The following SHISA6 variants were observed in gnomAD, a reference collection of about 807,000 sequenced individuals.
SHISA6 encodes the protein shisa family member 6, also known as protein shisa-6.
SHISA6 carries 22 observed loss-of-function variants against 47.9 expected under a neutral mutation model. The ratio of observed to expected loss-of-function variants is 0.46; its 90% CI spans 0.33 to 0.66. The LOEUF is 0.66. Among genes scored for constraint, SHISA6 ranks in the 30% least tolerant of loss-of-function variants. The pLI, the probability that SHISA6 is intolerant of heterozygous loss-of-function variation, is 0.02. For synonymous variants in SHISA6, 388 were observed against 337.8 expected, an observed-to-expected ratio of 1.15 and a Z score of -1.63; for missense variants, 680 against 764.6, an observed-to-expected ratio of 0.89 and a Z score of 1.30.
rs187404944 is a variant in SHISA6, at chr17:11,452,980, C to A, written c.895+73471C>A. ...TCATCCTCTTCTCCTCCTCTTCTTC[C>A]TCCATATTCTCCCCTTTTCCCCACC... is the stretch of plus-strand genomic sequence containing the variant. On this transcript the variant is annotated intron_variant, in intron 3 of 5. Transcript: ENST00000441885. Among the ~76,000 whole-genome samples the A allele has an allele frequency of 4.6e-4, 69 of 150,570 alleles. No individual in the cohort carries two copies. The East Asian group carries it at 0.01, about 22-fold the overall frequency.
chr17:11,421,149 G>A (rs1232679038), intron 3 of SHISA6, among the ~76,000 whole-genome samples: 2 of 152,064 alleles, frequency 1.3e-5, no homozygotes, highest in African/African-American at 4.8e-5. Flanking sequence ...CTATGGCAGC[G>A]TTCCTCTACC....
At chr17:11,352,069 G>A (rs1192581359) in intron 2 of SHISA6, among the ~76,000 whole-genome samples, 2 of 152,196 alleles carry the variant, frequency 1.3e-5, no homozygotes, top group African/African-American at 4.8e-5. Context: ...ATCAGAGCTT[G>A]AGAAGTGGAT....
chr17:11,391,739 G>A (rs997797078), intron 3 of SHISA6, among the ~76,000 whole-genome samples: 1 of 152,124 alleles, frequency 6.6e-6, no homozygotes, highest in Non-Finnish European at 1.5e-5. Context: ...ATGTAAATCA[G>A]AGCATTGAAG....
intron 3 of SHISA6, among the ~76,000 whole-genome samples, chr17:11,507,573 C>T (rs1179311729): frequency 6.6e-6 from 1 of 152,150 alleles, no homozygotes; most frequent in Non-Finnish European, 1.5e-5. Context: ...GATGTATTCC[C>T]CCCTTTCCTC....
intron 3 of SHISA6, among the ~76,000 whole-genome samples, chr17:11,447,912 G>A (rs1915277067): frequency 6.6e-6 from 1 of 152,166 alleles, no homozygotes; most frequent in Admixed American, 6.5e-5. Flanking sequence ...GACAGCAGTG[G>A]GCAGGGCTGG....
At chr17:11,327,905 TTCTCTCTCTCTCTCTG>T in intron 2 of SHISA6, among the ~76,000 whole-genome samples, 1 of 151,232 alleles carries the variant, frequency 6.6e-6, no homozygotes, top group South Asian at 2.1e-4. Context: ...CAGAAGCATT[TTCTCTCTCTCTCTCTG>T]TCTCTCTCTC....
chr17:11,250,806 A>G (rs1907772159), intron 1 of SHISA6, among the ~76,000 whole-genome samples: 1 of 151,108 alleles, frequency 6.6e-6, no homozygotes, highest in Admixed American at 6.6e-5. Context: ...AGCTTACACA[A>G]CCCCATCACT....
At chr17:11,337,438 T>C (rs557834790) in intron 2 of SHISA6, among the ~76,000 whole-genome samples, 106 of 152,230 alleles carry the variant, frequency 7.0e-4, no homozygotes, top group African/African-American at 2.0e-3. Context: ...TGGGCAAAAC[T>C]CAGAGACACT....
intron 2 of SHISA6, among the ~76,000 whole-genome samples, chr17:11,307,205 C>A (rs1234838889): frequency 7.1e-6 from 1 of 140,146 alleles, no homozygotes; most frequent in Non-Finnish European, 1.5e-5. Flanking sequence ...ATATTTAGTA[C>A]TCTGTTGTCT....
At chr17:11,265,189 G>A (rs1361519019) in intron 2 of SHISA6, among the ~76,000 whole-genome samples, 1 of 152,168 alleles carries the variant, frequency 6.6e-6, no homozygotes, top group African/African-American at 2.4e-5. Context: ...GGATGGTGCT[G>A]GCATCACATT....
At chr17:11,552,147 G>A (rs1381633889) in intron 4 of SHISA6, among the ~76,000 whole-genome samples, 195 bp downstream of exon 4, 1 of 152,188 alleles carries the variant, frequency 6.6e-6, no homozygotes, top group Non-Finnish European at 1.5e-5. Flanking sequence ...TCCCCTTGGT[G>A]TTTCTGTCTC....
At chr17:11,322,707 G>A (rs572227902) in intron 2 of SHISA6, among the ~76,000 whole-genome samples, 5 of 152,306 alleles carry the variant, frequency 3.3e-5, no homozygotes, top group Admixed American at 1.3e-4. Flanking sequence ...CCCTGTTGGA[G>A]AATTTCTTAT....
chr17:11,253,916 G>C (rs978703899), intron 1 of SHISA6, among the ~76,000 whole-genome samples: 3 of 151,932 alleles, frequency 2.0e-5, no homozygotes, highest in Admixed American at 6.6e-5. Flanking sequence ...TCCGGACTTC[G>C]AGCCCTGCCT....
chr17:11,304,175 T>TTGCTCTAGGGGAGCTGCCC (rs1369290488), intron 2 of SHISA6, among the ~76,000 whole-genome samples: 1 of 152,190 alleles, frequency 6.6e-6, no homozygotes, highest in African/African-American at 2.4e-5. Context: ...AGAGGCCCCT[T>TTGCTCTAGGGGAGCTGCCC]TGCTCTAGGG....
intron 3 of SHISA6, among the ~76,000 whole-genome samples, chr17:11,483,819 G>A (rs1221795404): frequency 1.3e-5 from 2 of 152,140 alleles, no homozygotes; most frequent in Admixed American, 1.3e-4. Context: ...TGCTAGGAGT[G>A]GTGGTGTGCG....
At chr17:11,305,139 A>G (rs1202821088) in intron 2 of SHISA6, among the ~76,000 whole-genome samples, 1 of 152,174 alleles carries the variant, frequency 6.6e-6, no homozygotes, top group Non-Finnish European at 1.5e-5. Context: ...GAGTTCTGGA[A>G]CAACTTTTGT....
At chr17:11,261,309 G>T (rs1230008499) in intron 1 of SHISA6, among the ~76,000 whole-genome samples, 1 of 152,200 alleles carries the variant, frequency 6.6e-6, no homozygotes, top group Non-Finnish European at 1.5e-5. Flanking sequence ...ACAACATGTG[G>T]CAGGGTTCCC....
chr17:11,434,378 A>C lies in SHISA6; in HGVS notation c.895+54869A>C, dbSNP rs531546617. The stretch of plus-strand genomic sequence containing the variant: ...ACGCCTGGCTGGCAACACTTTTTCT[A>C]ATCACCTGGGTTAAATATTTTTCCT... On this transcript the variant is annotated intron_variant, in intron 3 of 5. Coordinates refer to ENST00000441885, the MANE Select transcript of SHISA6 (RefSeq NM_207386.4). Among the ~76,000 whole-genome samples the C allele has an allele frequency of 4.8e-3, 735 of 152,126 alleles. 9 individuals carry two copies. The highest frequency in any genetic ancestry group is 0.017 in the African/African-American group (718 of 41,516).
chr17:11,331,868 C>T (rs1192950536), intron 2 of SHISA6, among the ~76,000 whole-genome samples: 1 of 152,052 alleles, frequency 6.6e-6, no homozygotes, highest in Middle Eastern at 3.2e-3. Flanking sequence ...TCCCTCTGAC[C>T]CTCCCAGCTC....
Sources: gnomAD v4.1 joint callset for allele counts (sites outside exome capture counted in the v4.1 genomes callset) on GRCh38, gnomAD v4.1.1 for gene constraint, MANE v1.5 for transcripts, NCBI Gene and HGNC (gene_info 2026-07-23, HGNC 2026-07-21) for gene names.